The following ZFHX4 variants were observed in gnomAD, a reference collection of about 807,000 sequenced individuals.
ZFHX4 encodes the protein zinc finger homeobox protein 4.
ZFHX4 carries 56 observed loss-of-function variants against 267.6 expected under a neutral mutation model. That is an observed-to-expected ratio of 0.21 (90% CI 0.17 to 0.26). The LOEUF (loss-of-function observed/expected upper bound fraction) is 0.26, where lower values mean the gene tolerates loss of function less well. Among genes scored for constraint, ZFHX4 ranks in the 10% least tolerant of loss-of-function variants. The pLI is 1.00. For synonymous variants in ZFHX4, 1,778 were observed against 1,665.6 expected, an observed-to-expected ratio of 1.07 and a Z score of -1.64; for missense variants, 4,332 against 4,420.0, an observed-to-expected ratio of 0.98 and a Z score of 0.56.
intron 3 of ZFHX4, among the ~76,000 whole-genome samples, chr8:76,712,551 G>A (rs1051875381): frequency 6.6e-6 from 1 of 151,920 alleles, no homozygotes; most frequent in African/African-American, 2.4e-5. Context: ...TTGTCCCGGT[G>A]TGATGGTAAA....
chr8:76,781,088 T>A (rs973914155), intron 4 of ZFHX4, among the ~76,000 whole-genome samples: 3 of 152,150 alleles, frequency 2.0e-5, no homozygotes, highest in Middle Eastern at 3.4e-3. Context: ...TGTGGTTGAG[T>A]TTATCTGATT....
chr8:76,745,561 T>G (rs536042732), intron 3 of ZFHX4, among the ~76,000 whole-genome samples: 1 of 145,642 alleles, frequency 6.9e-6, no homozygotes, highest in Admixed American at 6.7e-5. Context: ...TCAGTTTTAC[T>G]ACATATAATT....
At chr8:76,717,127 C>A (rs1808596935) in intron 3 of ZFHX4, among the ~76,000 whole-genome samples, 1 of 152,134 alleles carries the variant, frequency 6.6e-6, no homozygotes, top group South Asian at 2.1e-4. Flanking sequence ...CTTACAACTA[C>A]TGGAGGAAGT....
At chr8:76,743,819 G>A (rs569314355) in intron 3 of ZFHX4, among the ~76,000 whole-genome samples, 21 of 152,156 alleles carry the variant, frequency 1.4e-4, no homozygotes, top group Non-Finnish European at 2.8e-4. Context: ...AACTTCCAAA[G>A]GCCAAGCCTA....
At chr8:76,682,459 C>CCTG (rs1323306859) in intron 1 of ZFHX4, 5 of 152,134 alleles carry the variant, frequency 3.3e-5, no homozygotes, top group African/African-American at 1.2e-4. Flanking sequence ...GCAGGCACTA[C>CCTG]CGAGGGCTGC....
At chr8:76,827,673 G>T (rs938002518) in intron 4 of ZFHX4, among the ~76,000 whole-genome samples, 1 of 152,090 alleles carries the variant, frequency 6.6e-6, no homozygotes, top group African/African-American at 2.4e-5. Flanking sequence ...TTTATATCAG[G>T]AACGTATTAA....
intron 3 of ZFHX4, among the ~76,000 whole-genome samples, chr8:76,722,023 C>G (rs932536794): frequency 4.6e-5 from 7 of 151,672 alleles, no homozygotes; most frequent in African/African-American, 1.7e-4. Context: ...TGTTGAAAGT[C>G]TTACTATTTT....
At chr8:76,823,884 A>G (rs1811718683) in intron 4 of ZFHX4, among the ~76,000 whole-genome samples, 1 of 152,232 alleles carries the variant, frequency 6.6e-6, no homozygotes, top group Non-Finnish European at 1.5e-5. Context: ...GTTTATTATA[A>G]GTAGTAGCGA....
At chr8:76,737,592 A>C (rs1290015466) in intron 3 of ZFHX4, among the ~76,000 whole-genome samples, 1 of 152,154 alleles carries the variant, frequency 6.6e-6, no homozygotes, top group African/African-American at 2.4e-5. Flanking sequence ...TAACCTCTCT[A>C]ACCTTCCGTT....
chr8:76,851,139 C>G lies in ZFHX4; in HGVS notation c.4218C>G (p.Phe1406Leu). The change falls in exon 10 of 11, where the codon TTC becomes TTG. Residue 1406 changes from phenylalanine to leucine, a missense_variant. Around this residue, in one of 7 missense-constraint regions of ZFHX4, gnomAD observed 1,371 missense variants for 1,423.1 expected, o/e 0.96. Coordinates refer to ENST00000651372, the MANE Select transcript of ZFHX4 (RefSeq NM_024721.5). ...KYRCNHCSLAFKTMQKLQIHS... is the reference protein window; with the variant it reads ...KYRCNHCSLALKTMQKLQIHS... ...GCTGTAACCATTGTAGCTTGGCTTT[C>G]AAAACTATGCAGAAGCTTCAGATAC... 1 of 1,613,960 alleles carries G rather than the reference C, an allele frequency of 6.2e-7. No individual in the cohort carries two copies. The highest frequency in any genetic ancestry group is 2.2e-5 in the East Asian group (1 of 44,858).
At chr8:76,773,801 G>A (rs1212743011) in intron 3 of ZFHX4, among the ~76,000 whole-genome samples, 2 of 152,006 alleles carry the variant, frequency 1.3e-5, no homozygotes, top group South Asian at 2.1e-4. Flanking sequence ...TTTTACTGTG[G>A]ATTAGAAATG....
chr8:76,741,198 C>A (rs1240366118), intron 3 of ZFHX4, among the ~76,000 whole-genome samples: 1 of 152,122 alleles, frequency 6.6e-6, no homozygotes, highest in African/African-American at 2.4e-5. Flanking sequence ...TATCTGGAGA[C>A]TAGGAACAGA....
At chr8:76,835,245 A>ATATATATG (rs1554572200) in intron 5 of ZFHX4, among the ~76,000 whole-genome samples, 4 of 129,156 alleles carry the variant, frequency 3.1e-5, no homozygotes, top group African/African-American at 1.2e-4. Context: ...ATATATGTAT[A>ATATATATG]TATATATATA....
intron 3 of ZFHX4, among the ~76,000 whole-genome samples, chr8:76,736,147 A>AT (rs1809152811): frequency 6.6e-6 from 1 of 151,874 alleles, no homozygotes; most frequent in African/African-American, 2.4e-5. Flanking sequence ...TTAGAACATA[A>AT]TTTAAAAAAA....
rs958064917 is a variant in ZFHX4 at position 76,791,937 on chromosome 8, G to A, written c.3325+13498G>A. The stretch of plus-strand genomic sequence containing the variant: ...CATGAATATGCATCATGATTTTAAT[G>A]TGTACATCTTAACTATACAACCATG... On this transcript the variant is annotated intron_variant, in intron 4 of 10. Coordinates refer to ENST00000651372, the MANE Select transcript of ZFHX4 (RefSeq NM_024721.5). 3.3e-5 allele frequency among the ~76,000 whole-genome samples: 5 copies of A among 152,076 alleles called. No individual in the cohort carries two copies. The East Asian group carries it at 9.6e-4, about 29-fold the overall frequency.
chr8:76,800,642 C>G (rs909318418), intron 4 of ZFHX4, among the ~76,000 whole-genome samples: 1 of 152,278 alleles, frequency 6.6e-6, no homozygotes, highest in Non-Finnish European at 1.5e-5. Context: ...GCTTCTTGTG[C>G]TCCTTAACAA....
chr8:76,821,538 T>G (rs1811649070), intron 4 of ZFHX4, among the ~76,000 whole-genome samples: 1 of 151,414 alleles, frequency 6.6e-6, no homozygotes, highest in Non-Finnish European at 1.5e-5. Context: ...TTTTTTTTTT[T>G]TTTCACTAGG....
intron 4 of ZFHX4, among the ~76,000 whole-genome samples, chr8:76,815,967 A>T (rs1487010222): frequency 6.6e-6 from 1 of 152,222 alleles, no homozygotes; most frequent in Non-Finnish European, 1.5e-5. Flanking sequence ...GTCCAGTCTT[A>T]TGAGGTCTTG....
At position 76,855,242 on chromosome 8, in the gene ZFHX4, A is replaced by G. The variant is rs1429045242; in HGVS notation, c.8321A>G (p.Lys2774Arg). 2.5e-6 allele frequency: 4 copies of G among 1,612,190 alleles called. No homozygotes were observed. The highest frequency in any genetic ancestry group is 2.5e-6 in the Non-Finnish European group (3 of 1,179,292). The change falls in exon 10 of 11, where the codon AAA (lysine) becomes AGA (arginine). Residue 2774 changes from lysine to arginine, a missense_variant. By Grantham distance (26) the Lys-to-Arg change is conservative. Around this residue, in one of 7 missense-constraint regions of ZFHX4, gnomAD observed 1,648 missense variants for 1,625.0 expected, o/e 1.01. Coordinates refer to ENST00000651372, the MANE Select transcript of ZFHX4 (RefSeq NM_024721.5). ...PKNLLSPSSFKAECSEDVENL... is the reference protein window; with the variant it reads ...PKNLLSPSSFRAECSEDVENL... ...AATCTTTTAAGCCCTTCTTCTTTTA[A>G]AGCAGAGTGTTCTGAGGATGTAGAG...
Sources: allele counts gnomAD v4.1 joint callset (sites outside exome capture counted in the v4.1 genomes callset), GRCh38; gene constraint gnomAD v4.1.1; regional missense constraint gnomAD v4.1.1; transcripts MANE v1.5; gene names NCBI Gene and HGNC (gene_info 2026-07-23, HGNC 2026-07-21).